The following BSDC1 variants were observed in gnomAD, a reference collection of about 807,000 sequenced individuals.
BSDC1 encodes BSD domain-containing protein 1.
BSDC1 carries 29 observed loss-of-function variants against 56.0 expected under a neutral mutation model. The ratio of observed to expected loss-of-function variants is 0.52; its 90% CI spans 0.39 to 0.71. BSDC1 has a LOEUF of 0.71. Among genes scored for constraint, BSDC1 ranks in the 30% least tolerant of loss-of-function variants. The probability of loss-of-function intolerance (pLI) is 0.00; values close to 1 mark genes in which losing one functional copy is unlikely to be tolerated. For synonymous variants in BSDC1, 210 were observed against 215.3 expected, an observed-to-expected ratio of 0.98 and a Z score of 0.21; for missense variants, 477 against 548.5, an observed-to-expected ratio of 0.87 and a Z score of 1.30.
chr1:32,373,677 C>T (rs554273931), intron 9 of BSDC1, among the ~76,000 whole-genome samples: 6 of 152,204 alleles, frequency 3.9e-5, no homozygotes, highest in Admixed American at 6.5e-5. Flanking sequence ...CGTGCCACCA[C>T]ATCTGGCTAA....
At chr1:32,393,723 C>A (rs1473367257) in intron 2 of BSDC1, 2 of 287,584 alleles carry the variant, frequency 7.0e-6, no homozygotes, top group Middle Eastern at 1.1e-3. Flanking sequence ...AATGACTATA[C>A]GAGTAAGTTT....
At chr1:32,382,654 G>C (rs1451795673) in intron 4 of BSDC1, among the ~76,000 whole-genome samples, 1 of 150,378 alleles carries the variant, frequency 6.6e-6, no homozygotes, top group Admixed American at 6.6e-5. Flanking sequence ...TGAGCCCAGG[G>C]GTTTGAGACC....
intron 10 of BSDC1, 43 bp downstream of exon 10, chr1:32,368,389 AGCTCTCACACCCAGG>A (rs1557633669): frequency 6.2e-7 from 1 of 1,613,950 alleles, no homozygotes; most frequent in Admixed American, 1.7e-5. Context: ...GGCTGGGGAG[AGCTCTCACACCCAGG>A]ACCATTAGGC....
In BSDC1 at chr1:32,394,209, C is replaced by T. The variant is rs576627613; in HGVS notation, c.12-69G>A. The T allele has an allele frequency of 2.9e-5, 46 of 1,579,030 alleles. No individual in the cohort carries two copies. The African/African-American group carries it at 6.1e-4, about 21-fold the overall frequency. On this transcript the variant is annotated intron_variant, in intron 1 of 10. Transcript: ENST00000455895. ...TGCCCGCCCAAGGATCCGGTTTGTTCCCCGCTCAGATGTACCCTGCGGGCC... is the reference window on the plus strand; with the variant it reads ...TGCCCGCCCAAGGATCCGGTTTGTTTCCCGCTCAGATGTACCCTGCGGGCC...
At chr1:32,388,197 G>A (rs1364516171) in intron 2 of BSDC1, among the ~76,000 whole-genome samples, 2 of 152,082 alleles carry the variant, frequency 1.3e-5, no homozygotes, top group Non-Finnish European at 2.9e-5. Context: ...GAGCGCTCCT[G>A]TGGTTTGTTC....
chr1:32,379,737 C>T (rs936553830), intron 5 of BSDC1, among the ~76,000 whole-genome samples: 2 of 152,198 alleles, frequency 1.3e-5, no homozygotes, highest in Admixed American at 6.5e-5. Context: ...GCTACGGGCA[C>T]GCCATCATGC....
rs41265847 is a variant in BSDC1, at chr1:32,365,982, C to T, written c.*640G>A. The T allele has an allele frequency of 0.14, 21,789 of 159,426 alleles. 1,552 individuals carry two copies. Among genetic ancestry groups the T allele is most frequent in the African/African-American group, 0.15 (6,224 of 41,566 alleles). The allele number at this position is 159,426 out of a possible 1,614,324, so 9.9% of individuals were successfully genotyped here. A position where few individuals can be genotyped will look rare whatever the true frequency, so the allele number is the denominator to read the frequency against. Reference sequence around the variant, plus strand: ...CTGGGAAGGCATGGGGACAGACCAGCGTGGGCTGGAGGAAAGGAAGGAGGT... The same window carrying T: ...CTGGGAAGGCATGGGGACAGACCAGTGTGGGCTGGAGGAAAGGAAGGAGGT... On this transcript the variant is annotated 3_prime_UTR_variant, in exon 11 of 11. Transcript: ENST00000455895.
chr1:32,375,965 G>C (rs943559453), intron 9 of BSDC1, among the ~76,000 whole-genome samples: 1 of 152,152 alleles, frequency 6.6e-6, no homozygotes, highest in Non-Finnish European at 1.5e-5. Context: ...GTAAAATGAG[G>C]ACAATAATAC....
At chr1:32,387,735 T>C (rs147523811) in intron 2 of BSDC1, among the ~76,000 whole-genome samples, 6 of 152,358 alleles carry the variant, frequency 3.9e-5, no homozygotes, top group African/African-American at 1.4e-4. Context: ...TGTGAAGTTA[T>C]TTGCCTTCGG....
chr1:32,377,310 G>C (rs116293341), intron 8 of BSDC1, among the ~76,000 whole-genome samples: 263 of 152,326 alleles, frequency 1.7e-3, no homozygotes, highest in African/African-American at 6.1e-3. Context: ...CCAAGGCTCA[G>C]AAGTGAGTCA....
chr1:32,381,219 G>A lies in BSDC1; in HGVS notation c.407C>T (p.Pro136Leu). The change falls in exon 5 of 11, where the codon CCA (proline) becomes CTA (leucine). Residue 136 changes from proline (P) to leucine (L), a missense_variant. Transcript: ENST00000455895. ...GCTCAGTGCTACCCTCTCACCATCT[G>A]GTTCATTACAGTAGGTTGCTGGGTC... ...QSDPATYCNE[P>L]DGPPELFDAW... 6.2e-7 allele frequency: 1 copy of A among 1,613,748 alleles called. No homozygotes were observed. The highest frequency in any genetic ancestry group is 8.5e-7 in the Non-Finnish European group (1 of 1,179,810).
chr1:32,381,421 CAG>C (rs1184423371), intron 4 of BSDC1, among the ~76,000 whole-genome samples, 153 bp from the exon 5 acceptor site: 1 of 152,218 alleles, frequency 6.6e-6, no homozygotes, highest in East Asian at 1.9e-4. Flanking sequence ...CACTGTGGCA[CAG>C]AGAGTGGGGC....
Position 32,378,313 on chromosome 1 carries a change from T to C in BSDC1, c.529-30A>G. The stretch of plus-strand genomic sequence containing the variant: ...AGGGAGGGGAAAATGGAGGTGAGAC[T>C]TTGGGAGTGTTTGTGTGGGGTCTGT... On this transcript the variant is annotated intron_variant, in intron 6 of 10. Transcript: ENST00000455895. The surrounding 1 kb of genome is among the most constrained non-coding windows in gnomAD (Gnocchi z 5.2). The C allele has an allele frequency of 6.3e-7, 1 of 1,599,100 alleles. No homozygotes were observed. The highest frequency in any genetic ancestry group is 8.6e-7 in the Non-Finnish European group (1 of 1,166,454).
chr1:32,386,580 G>C, intron 3 of BSDC1, 199 bp downstream of exon 3: 1 of 489,728 alleles, frequency 2.0e-6, no homozygotes, highest in Non-Finnish European at 3.6e-6. Flanking sequence ...AAACAATACA[G>C]AAGTGGGAAA....
intron 4 of BSDC1, 152 bp downstream of exon 4, chr1:32,383,678 C>T (rs1642565366): frequency 7.8e-6 from 5 of 641,132 alleles, no homozygotes; most frequent in Admixed American, 2.9e-5. Flanking sequence ...ATTATCCTGT[C>T]CTTGCTTACT....
chr1:32,386,973 AC>A, intron 2 of BSDC1, 78 bp from the exon 3 acceptor site: 1 of 1,092,334 alleles, frequency 9.2e-7, no homozygotes, highest in Non-Finnish European at 1.4e-6. Context: ...TTTCTTCAGT[AC>A]CAGACAGACA....
At chr1:32,380,887 C>T (rs1449507485) in intron 5 of BSDC1, among the ~76,000 whole-genome samples, 1 of 152,064 alleles carries the variant, frequency 6.6e-6, no homozygotes, top group Non-Finnish European at 1.5e-5. Flanking sequence ...CTCCAGTTCC[C>T]ATAATGGGGT....
In BSDC1 at chr1:32,393,973, T is replaced by C. The variant is rs977107857; in HGVS notation, c.72+107A>G. On this transcript the variant is annotated intron_variant, in intron 2 of 10. Coordinates refer to ENST00000455895, the MANE Select transcript of BSDC1 (RefSeq NM_018045.8). ...AAAAGAAAGGCCCAGGTCAGCCTCATCCTTGAGACTTAGCGCCCGCAAAAG... is the reference window on the plus strand; with the variant it reads ...AAAAGAAAGGCCCAGGTCAGCCTCACCCTTGAGACTTAGCGCCCGCAAAAG... 3.5e-6 allele frequency: 4 copies of C among 1,129,430 alleles called. No individual in the cohort carries two copies. The African/African-American group carries it at 4.6e-5, about 13-fold the overall frequency. 70.0% of individuals were successfully genotyped at this position (1,129,430 alleles called of 1,614,324 possible).
Position 32,376,523 on chromosome 1 carries a change from G to T in BSDC1, c.895C>A (p.Arg299=). 1 of 1,580,750 alleles carries T rather than the reference G, an allele frequency of 6.3e-7. No homozygotes were observed. The highest frequency in any genetic ancestry group is 8.6e-7 in the Non-Finnish European group (1 of 1,157,768). Reference sequence around the variant, plus strand: ...TGGGACAGGTCCTTGGGTAGCACTCGTGCCTCAGGTGCAGTGGCCGGGTTG... The same window carrying T: ...TGGGACAGGTCCTTGGGTAGCACTCTTGCCTCAGGTGCAGTGGCCGGGTTG... ...IANPATAPEA[R]VLPKDLSQKL... is the part of the protein sequence containing the mutation. The change falls in exon 9 of 11, where the codon CGA becomes AGA. Residue 299 remains arginine, a synonymous_variant. Coordinates refer to ENST00000455895, the MANE Select transcript of BSDC1 (RefSeq NM_018045.8).
Sources: gnomAD v4.1 joint callset for allele counts (sites outside exome capture counted in the v4.1 genomes callset) on GRCh38, gnomAD v4.1.1 for gene constraint, Gnocchi (gnomAD v3.1) non-coding constraint, MANE v1.5 for transcripts, NCBI Gene and HGNC (gene_info 2026-07-23, HGNC 2026-07-21) for gene names.